GULP1: variants seen among roughly 807,000 people sequenced by gnomAD.
GULP1 encodes PTB domain-containing engulfment adapter protein 1.
Under a neutral mutation model 40.9 loss-of-function variants are expected in GULP1, and 19 were observed. The observed-to-expected ratio is 0.46, with a 90% CI of 0.32 to 0.68. The LOEUF is 0.68. Ranked by LOEUF, GULP1 falls within the 30% of genes least tolerant of loss-of-function variation. GULP1 has a pLI of 0.03. For synonymous variants in GULP1, 119 were observed against 117.6 expected (o/e 1.01, Z -0.08); for missense variants, 312 against 362.2 (o/e 0.86, Z 1.12).
chr2:188,457,257 G>A (rs1268389207), intron 2 of GULP1, among the ~76,000 whole-genome samples: 2 of 152,128 alleles, frequency 1.3e-5, no homozygotes, highest in Admixed American at 1.3e-4. Context: ...GTGGCCAGGT[G>A]CCAAATGATA....
chr2:188,452,219 G>C (rs2058888488), intron 2 of GULP1, among the ~76,000 whole-genome samples: 1 of 152,032 alleles, frequency 6.6e-6, no homozygotes, highest in South Asian at 2.1e-4. Flanking sequence ...AATGTGTTAA[G>C]AATAATGAAA....
At chr2:188,408,901 G>A (rs1233124319) in intron 2 of GULP1, among the ~76,000 whole-genome samples, 4 of 151,938 alleles carry the variant, frequency 2.6e-5, no homozygotes, top group Admixed American at 6.6e-5. Flanking sequence ...TTAAACCAAC[G>A]GGTCAAAAAA....
rs377729947 is a variant in GULP1, at chr2:188,430,411, C to T, written c.-45+46522C>T. Among the ~76,000 whole-genome samples, 24 of 152,242 alleles carry T rather than the reference C, an allele frequency of 1.6e-4. No individual in the cohort carries two copies. The East Asian group carries it at 2.7e-3, about 17-fold the overall frequency. On this transcript the variant is annotated intron_variant, in intron 2 of 11. Coordinates refer to ENST00000409830, the MANE Select transcript of GULP1 (RefSeq NM_016315.4). Reference sequence around the variant, plus strand: ...AGTTTTTGCTTATGGGAAGCTCCTTCGGATAACCAGAAAGTTAAACTTGAT... The same window carrying T: ...AGTTTTTGCTTATGGGAAGCTCCTTTGGATAACCAGAAAGTTAAACTTGAT...
chr2:188,388,748 T>G (rs2050126242), intron 2 of GULP1, among the ~76,000 whole-genome samples: 3 of 152,100 alleles, frequency 2.0e-5, no homozygotes, highest in Admixed American at 1.3e-4. Flanking sequence ...AGACATAATC[T>G]CTACCCTTGA....
At chr2:188,304,726 C>T (rs2036753601) in intron 1 of GULP1, among the ~76,000 whole-genome samples, 3 of 152,142 alleles carry the variant, frequency 2.0e-5, no homozygotes, top group Admixed American at 2.0e-4. Context: ...ATTTCCTGCT[C>T]TTAGGCATAG....
At chr2:188,313,368 G>A (rs912863683) in intron 1 of GULP1, among the ~76,000 whole-genome samples, 1 of 152,058 alleles carries the variant, frequency 6.6e-6, no homozygotes, top group Middle Eastern at 3.2e-3. Context: ...TACTGAATAG[G>A]AGATCCCTTA....
chr2:188,416,833 T>C (rs2054649891), intron 2 of GULP1, among the ~76,000 whole-genome samples: 1 of 152,214 alleles, frequency 6.6e-6, no homozygotes, highest in South Asian at 2.1e-4. Flanking sequence ...TTTAATCAGA[T>C]ATAGTTAGGA....
At chr2:188,556,875 T>C (rs1028347613) in intron 7 of GULP1, among the ~76,000 whole-genome samples, 6 of 152,038 alleles carry the variant, frequency 3.9e-5, no homozygotes, top group Non-Finnish European at 8.8e-5. Context: ...AGACAAAAAA[T>C]TAGCCATGTG....
chr2:188,442,442 C>G (rs1047407569), intron 2 of GULP1, among the ~76,000 whole-genome samples: 1 of 152,116 alleles, frequency 6.6e-6, no homozygotes, highest in Non-Finnish European at 1.5e-5. Flanking sequence ...CCAATTTGCT[C>G]TGTGAATAAA....
chr2:188,334,142 A>C lies in GULP1; in HGVS notation c.-172+41976A>C, dbSNP rs185631845. Among the ~76,000 whole-genome samples, 443 of 152,282 alleles carry C rather than the reference A, an allele frequency of 2.9e-3. 1 individual carries two copies. The highest frequency in any genetic ancestry group is 6.8e-3 in the Middle Eastern group (2 of 294). On this transcript the variant is annotated intron_variant, in intron 1 of 11. Coordinates refer to ENST00000409830, the MANE Select transcript of GULP1 (RefSeq NM_016315.4). ...AAGATAACTTTGGAAGAGTGTTCCCAAAAGTTTATTGAGGAGAAATGTAGA... is the reference window on the plus strand; with the variant it reads ...AAGATAACTTTGGAAGAGTGTTCCCCAAAGTTTATTGAGGAGAAATGTAGA...
At chr2:188,304,392 A>G (rs973804388) in intron 1 of GULP1, among the ~76,000 whole-genome samples, 7 of 152,372 alleles carry the variant, frequency 4.6e-5, no homozygotes, top group South Asian at 2.1e-4. Flanking sequence ...GAGTAAAGAT[A>G]CAAAGAATAG....
chr2:188,534,876 A>G (rs1169868257), intron 6 of GULP1, among the ~76,000 whole-genome samples: 1 of 152,006 alleles, frequency 6.6e-6, no homozygotes, highest in Non-Finnish European at 1.5e-5. Flanking sequence ...ATATCAGTGA[A>G]GTGGGGTTCA....
At position 188,496,245 on chromosome 2, in the gene GULP1, T is replaced by C. The variant is rs965302642; in HGVS notation, c.90+12753T>C. Among the ~76,000 whole-genome samples, 6 of 152,038 alleles carry C rather than the reference T, an allele frequency of 3.9e-5. No individual in the cohort carries two copies. The East Asian group carries it at 9.7e-4, about 25-fold the overall frequency. Reference sequence around the variant, plus strand: ...CCAGCTTTTAGTTGATCCCTAGCTATAATCCTAAATAATTAAAACTAGCTT... The same window carrying C: ...CCAGCTTTTAGTTGATCCCTAGCTACAATCCTAAATAATTAAAACTAGCTT... On this transcript the variant is annotated intron_variant, in intron 4 of 11. Coordinates refer to ENST00000409830, the MANE Select transcript of GULP1 (RefSeq NM_016315.4).
intron 1 of GULP1, among the ~76,000 whole-genome samples, chr2:188,321,099 T>A (rs1221570556): frequency 6.6e-6 from 1 of 152,168 alleles, no homozygotes; most frequent in Non-Finnish European, 1.5e-5. Flanking sequence ...TAGGCTATTT[T>A]AAAAGAATTA....
chr2:188,583,236 A>G (rs1341078157), intron 9 of GULP1, among the ~76,000 whole-genome samples: 2 of 152,178 alleles, frequency 1.3e-5, no homozygotes, highest in African/African-American at 2.4e-5. Flanking sequence ...TGTACTAGCA[A>G]TTATTTTAGC....
chr2:188,556,594 A>C (rs1002632386), intron 7 of GULP1, among the ~76,000 whole-genome samples: 4 of 152,060 alleles, frequency 2.6e-5, no homozygotes, highest in Admixed American at 6.5e-5. Flanking sequence ...GAGAATTATT[A>C]TGTTTCTTTC....
chr2:188,578,617 GA>G, intron 9 of GULP1, among the ~76,000 whole-genome samples: 1 of 151,846 alleles, frequency 6.6e-6, no homozygotes, highest in Admixed American at 6.6e-5. Flanking sequence ...TAATATATCT[GA>G]ATAACCTAAC....
intron 3 of GULP1, among the ~76,000 whole-genome samples, chr2:188,477,949 C>T (rs567493068): frequency 6.6e-6 from 1 of 152,130 alleles, no homozygotes; most frequent in Non-Finnish European, 1.5e-5. Flanking sequence ...GTTCACAATA[C>T]ATATGTGATA....
chr2:188,557,796 T>C (rs1326659117), intron 7 of GULP1, among the ~76,000 whole-genome samples: 1 of 152,212 alleles, frequency 6.6e-6, no homozygotes, highest in Non-Finnish European at 1.5e-5. Flanking sequence ...ATTCTGTGTA[T>C]CTGCAGGCTT....
Sources: allele counts gnomAD v4.1 joint callset (sites outside exome capture counted in the v4.1 genomes callset), GRCh38; gene constraint gnomAD v4.1.1; transcripts MANE v1.5; gene names NCBI Gene and HGNC (gene_info 2026-07-23, HGNC 2026-07-21).